METTL8: variants seen among roughly 807,000 people sequenced by gnomAD.
METTL8 encodes methyltransferase 8, tRNA N3-cytidine, also known as tRNA N(3)-cytidine methyltransferase METTL8, mitochondrial.
In METTL8, 32 loss-of-function variants were observed where a neutral mutation model predicts 48.7. The ratio of observed to expected loss-of-function variants is 0.66; its 90% CI spans 0.50 to 0.88. The LOEUF is 0.88. Ranked by LOEUF, METTL8 falls within the 40% of genes least tolerant of loss-of-function variation. METTL8 has a pLI of 0.00. For synonymous variants in METTL8, 136 were observed against 157.1 expected (o/e 0.87, Z 1.01); for missense variants, 464 against 474.4 (o/e 0.98, Z 0.20).
chr2:171,344,665 A>G (rs1053555235), intron 3 of METTL8, among the ~76,000 whole-genome samples: 1 of 152,222 alleles, frequency 6.6e-6, no homozygotes, highest in African/African-American at 2.4e-5. Context: ...ATGCTCTATG[A>G]GAATATATGG....
intron 2 of METTL8, among the ~76,000 whole-genome samples, chr2:171,386,816 A>C (rs1347359691): frequency 6.6e-6 from 1 of 151,986 alleles, no homozygotes; most frequent in South Asian, 2.1e-4. Context: ...CCCCGATCCT[A>C]TGCCTATAAA....
intron 1 of METTL8, among the ~76,000 whole-genome samples, chr2:171,424,270 A>T (rs1177571439): frequency 1.1e-4 from 16 of 141,852 alleles, no homozygotes; most frequent in Non-Finnish European, 2.5e-4. Flanking sequence ...GCGGAAGGGA[A>T]ATGTGGGATT....
chr2:171,328,406 T>C lies in METTL8; in HGVS notation c.860+2153A>G, dbSNP rs192718018. Among the ~76,000 whole-genome samples the C allele has an allele frequency of 8.3e-4, 127 of 152,358 alleles. 1 individual carries two copies. Among genetic ancestry groups the C allele is most frequent in the African/African-American group, 3.0e-3 (124 of 41,594 alleles). On this transcript the variant is annotated intron_variant, in intron 7 of 9. Coordinates refer to ENST00000375258, the MANE Select transcript of METTL8 (RefSeq NM_001321154.2). ...AGCCAAATTGCTTGCCATTTGCTTA[T>C]GCCTGAATTTTCCAAGCTACCAAGA... is the stretch of plus-strand genomic sequence containing the variant.
At chr2:171,383,430 G>A (rs1189956230) in intron 2 of METTL8, among the ~76,000 whole-genome samples, 2 of 152,052 alleles carry the variant, frequency 1.3e-5, no homozygotes, top group East Asian at 1.9e-4. Flanking sequence ...AATAGAAACA[G>A]GGTAGAATAA....
chr2:171,396,365 T>A (rs1689066933), intron 1 of METTL8, among the ~76,000 whole-genome samples: 1 of 152,140 alleles, frequency 6.6e-6, no homozygotes, highest in African/African-American at 2.4e-5. Context: ...ATGTTAATAT[T>A]TTGATGAATT....
At chr2:171,330,719 A>G (rs1174638613) in intron 6 of METTL8, 21 bp from the exon 7 acceptor site, 1 of 1,586,734 alleles carries the variant, frequency 6.3e-7, no homozygotes, top group Non-Finnish European at 8.5e-7. Context: ...AAAGGAACAG[A>G]AAGCAAAAAG....
chr2:171,382,846 G>A (rs1326205699), intron 2 of METTL8, among the ~76,000 whole-genome samples: 1 of 152,204 alleles, frequency 6.6e-6, no homozygotes, highest in East Asian at 1.9e-4. Flanking sequence ...GCTGAGGTGG[G>A]TGGATCACCC....
chr2:171,348,616 T>A (rs1344793410), intron 3 of METTL8, among the ~76,000 whole-genome samples: 2 of 151,958 alleles, frequency 1.3e-5, no homozygotes, highest in Non-Finnish European at 1.5e-5. Context: ...ATTTGTGGGA[T>A]TAGTGGGGTC....
chr2:171,434,044 G>C (rs1031977605), upstream of METTL8: 10 of 287,756 alleles, frequency 3.5e-5, no homozygotes, highest in Non-Finnish European at 6.1e-5. Flanking sequence ...ACGGGGCGGA[G>C]ACCTGGAGGC....
In METTL8 at chr2:171,324,199, C is replaced by T. The variant is rs112783148; in HGVS notation, c.1197G>A (p.Met399Ile). 65 of 1,549,964 alleles carry T rather than the reference C, an allele frequency of 4.2e-5. No individual in the cohort carries two copies. The African/African-American group carries it at 5.5e-4, about 13-fold the overall frequency. Residue 399 changes from methionine (M) to isoleucine (I), a missense_variant, in exon 10 of 10, where the codon ATG becomes ATA. By Grantham distance (10) the Met-to-Ile change is conservative. Transcript: ENST00000375258. ...AGTCTTGTGAAAGGAGTGTAGATACCATATTGGAGCTATTCTGAGTCTGGT... is the reference window on the plus strand; with the variant it reads ...AGTCTTGTGAAAGGAGTGTAGATACTATATTGGAGCTATTCTGAGTCTGGT... ...PLHQTQNSSN[M>I]VSTLLSQD
rs1191250791 is a variant in METTL8, at chr2:171,331,710, C to A, written c.720+94G>T. 3 of 1,002,662 alleles carry A rather than the reference C, an allele frequency of 3.0e-6. No individual in the cohort carries two copies. The East Asian group carries it at 8.1e-5, about 27-fold the overall frequency. The allele number at this position is 1,002,662 out of a possible 1,614,324, so 62.1% of individuals were successfully genotyped here. On this transcript the variant is annotated intron_variant, in intron 6 of 9. Coordinates refer to ENST00000375258, the MANE Select transcript of METTL8 (RefSeq NM_001321154.2). ...GGGATTACAGGTGTGAGCCACCACGCCCTGCCTCTAGTGATCTTAAAATCA... is the reference window on the plus strand; with the variant it reads ...GGGATTACAGGTGTGAGCCACCACGACCTGCCTCTAGTGATCTTAAAATCA...
At chr2:171,402,545 T>C (rs1689742593) in intron 1 of METTL8, among the ~76,000 whole-genome samples, 1 of 152,166 alleles carries the variant, frequency 6.6e-6, no homozygotes, top group Admixed American at 6.6e-5. Context: ...TGCACTCATA[T>C]TTAGCTTAAT....
intron 1 of METTL8, among the ~76,000 whole-genome samples, chr2:171,402,000 T>C (rs763734035): frequency 3.3e-5 from 5 of 152,144 alleles, no homozygotes; most frequent in Non-Finnish European, 7.4e-5. Flanking sequence ...AAGAAAGAGA[T>C]GCAAACAAAG....
chr2:171,430,315 C>CCG, intron 1 of METTL8, among the ~76,000 whole-genome samples: 1 of 149,716 alleles, frequency 6.7e-6, no homozygotes, highest in Non-Finnish European at 1.5e-5. Flanking sequence ...CCGAGATAGC[C>CCG]CCACCGCACT....
At chr2:171,381,479 A>G (rs1687529081) in intron 2 of METTL8, among the ~76,000 whole-genome samples, 1 of 152,322 alleles carries the variant, frequency 6.6e-6, no homozygotes, top group South Asian at 2.1e-4. Context: ...AACCTACAGA[A>G]TGGGAGAAAA....
At chr2:171,414,828 T>C (rs1691132138) in intron 1 of METTL8, 3 of 152,136 alleles carry the variant, frequency 2.0e-5, no homozygotes. Flanking sequence ...GTAGCTCTCA[T>C]AATTCCCACA....
intron 1 of METTL8, among the ~76,000 whole-genome samples, chr2:171,424,688 G>A (rs761270351): frequency 6.6e-6 from 1 of 152,176 alleles, no homozygotes; most frequent in African/African-American, 2.4e-5. Flanking sequence ...TTGTATCTAG[G>A]AAATAAATAA....
At position 171,320,878 on chromosome 2, in the gene METTL8, A is replaced by G. The variant is rs1447793053; in HGVS notation, c.*3294T>C. On this transcript the variant is annotated 3_prime_UTR_variant, in exon 10 of 10. Coordinates refer to ENST00000375258, the MANE Select transcript of METTL8 (RefSeq NM_001321154.2). The stretch of plus-strand genomic sequence containing the variant: ...AGACAACTCCTCAACCTCTCTCAAT[A>G]CATTTATAAGACACCATATCTCAAA... The G allele has an allele frequency of 6.6e-6, 1 of 152,100 alleles. No homozygotes were observed. Among genetic ancestry groups the G allele is most frequent in the Non-Finnish European group, 1.5e-5 (1 of 68,032 alleles). 9.4% of individuals were successfully genotyped at this position (152,100 alleles called of 1,614,324 possible). A position where few individuals can be genotyped will look rare whatever the true frequency, so the allele number is the denominator to read the frequency against.
intron 7 of METTL8, chr2:171,326,433 A>C: frequency 3.1e-6 from 1 of 322,592 alleles, no homozygotes; most frequent in Non-Finnish European, 5.5e-6. Flanking sequence ...GCTAAACTTC[A>C]AAACCACAGA....
Sources: allele counts gnomAD v4.1 joint callset (sites outside exome capture counted in the v4.1 genomes callset), GRCh38; gene constraint gnomAD v4.1.1; transcripts MANE v1.5; gene names NCBI Gene and HGNC (gene_info 2026-07-23, HGNC 2026-07-21).